Variants in ARB2A observed in about 807,000 individuals in gnomAD.
The protein encoded by ARB2A is cotranscriptional regulator ARB2A.
chr5:93,707,493 A>G, the ARB2A span, among the ~76,000 whole-genome samples: 1 of 151,938 alleles, frequency 6.6e-6, no homozygotes, highest in Non-Finnish European at 1.5e-5. Context: ...TATTCTTTTA[A>G]AATAAGTATA....
chr5:93,731,468 A>G, the ARB2A span, among the ~76,000 whole-genome samples: 1 of 152,148 alleles, frequency 6.6e-6, no homozygotes, highest in Non-Finnish European at 1.5e-5. Flanking sequence ...AGCCTCCAGA[A>G]CTGCATGAAA....
At chr5:94,005,051 C>A in the ARB2A span, among the ~76,000 whole-genome samples, 21 of 118,262 alleles carry the variant, frequency 1.8e-4, no homozygotes, top group Admixed American at 6.0e-4. Flanking sequence ...AAATGCAAAA[C>A]AAAAAAAAAA....
At chr5:94,078,561 G>T in the ARB2A span, among the ~76,000 whole-genome samples, 1 of 152,160 alleles carries the variant, frequency 6.6e-6, no homozygotes, top group Non-Finnish European at 1.5e-5. Flanking sequence ...GAGCAGACAC[G>T]AGACAAAGCC....
the ARB2A span, chr5:93,782,058 C>T: frequency 6.7e-6 from 2 of 297,710 alleles, no homozygotes; most frequent in African/African-American, 4.5e-5. Flanking sequence ...ATCTTCTCTA[C>T]AAGAGGTCAC....
chr5:93,690,847 A>C, the ARB2A span, among the ~76,000 whole-genome samples: 9 of 152,284 alleles, frequency 5.9e-5, no homozygotes, highest in African/African-American at 1.9e-4. Flanking sequence ...AGGAAGGAAC[A>C]GACAGCAATC....
chr5:93,832,595 C>A, the ARB2A span, among the ~76,000 whole-genome samples: 2 of 152,122 alleles, frequency 1.3e-5, no homozygotes, highest in South Asian at 2.1e-4. Context: ...CTAGAAATTG[C>A]CCTTAGCCAA....
the ARB2A span, among the ~76,000 whole-genome samples, chr5:93,653,137 T>C: frequency 2.0e-5 from 3 of 152,098 alleles, no homozygotes; most frequent in East Asian, 1.9e-4. Context: ...GTGCCTGACA[T>C]GATCCTGTTT....
the ARB2A span, chr5:93,620,725 C>A: frequency 8.2e-5 from 29 of 353,304 alleles, no homozygotes; most frequent in East Asian, 1.3e-3. Context: ...AGGCAGGGCG[C>A]TGTCAGCCTT....
chr5:93,622,395 A>G, the ARB2A span, among the ~76,000 whole-genome samples: 1 of 152,352 alleles, frequency 6.6e-6, no homozygotes, highest in Middle Eastern at 3.4e-3. Flanking sequence ...CAATGGTGCA[A>G]CACTTTGCTT....
chr5:93,726,956 G>C, the ARB2A span, among the ~76,000 whole-genome samples: 1 of 151,984 alleles, frequency 6.6e-6, no homozygotes, highest in Admixed American at 6.6e-5. Context: ...ACTAAAAGTG[G>C]TAGGCAATCC....
the ARB2A span, among the ~76,000 whole-genome samples, chr5:94,021,038 T>TA: frequency 6.6e-6 from 1 of 152,062 alleles, no homozygotes; most frequent in Non-Finnish European, 1.5e-5. Flanking sequence ...ACTTACAGTG[T>TA]AATAAATAAA....
chr5:93,887,867 T>C, the ARB2A span, among the ~76,000 whole-genome samples: 2 of 151,900 alleles, frequency 1.3e-5, no homozygotes, highest in Non-Finnish European at 1.5e-5. Flanking sequence ...AACACATGCA[T>C]CAATGTCAGC....
the ARB2A span, among the ~76,000 whole-genome samples, chr5:93,822,094 C>T: frequency 6.6e-6 from 1 of 152,094 alleles, no homozygotes; most frequent in African/African-American, 2.4e-5. Context: ...CAGAAGCTGA[C>T]CCTTACTGAG....
the ARB2A span, among the ~76,000 whole-genome samples, chr5:93,688,246 T>C: frequency 1.3e-4 from 20 of 152,316 alleles, no homozygotes; most frequent in Admixed American, 2.6e-4. Context: ...AGTGCTGGGA[T>C]TACAGGCGTA....
At chr5:93,855,994 G>C in the ARB2A span, among the ~76,000 whole-genome samples, 1 of 151,946 alleles carries the variant, frequency 6.6e-6, no homozygotes, top group Non-Finnish European at 1.5e-5. Context: ...AGAGAAGAAG[G>C]CTTCAGATGA....
the ARB2A span, among the ~76,000 whole-genome samples, chr5:93,774,961 T>C: frequency 6.6e-6 from 1 of 152,198 alleles, no homozygotes; most frequent in South Asian, 2.1e-4. Context: ...TCACATTATA[T>C]AACTAGCATA....
At chr5:93,804,108 A>G in the ARB2A span, among the ~76,000 whole-genome samples, 2 of 152,038 alleles carry the variant, frequency 1.3e-5, no homozygotes, top group Admixed American at 1.3e-4. Flanking sequence ...CAGACACCAT[A>G]CAAAGATAAA....
the ARB2A span, among the ~76,000 whole-genome samples, chr5:94,060,827 T>C: frequency 1.3e-5 from 2 of 152,200 alleles, no homozygotes; most frequent in African/African-American, 4.8e-5. Context: ...ACAGGGCTTA[T>C]GACAGAACGG....
the ARB2A span, among the ~76,000 whole-genome samples, chr5:93,872,979 T>C: frequency 6.6e-6 from 1 of 151,994 alleles, no homozygotes; most frequent in Admixed American, 6.6e-5. Context: ...ATGTACTAAT[T>C]TTCCAGTGTC....
Sources: gnomAD v4.1 joint callset for allele counts (sites outside exome capture counted in the v4.1 genomes callset) on GRCh38, gnomAD v4.1.1 for gene constraint, MANE v1.5 for transcripts, NCBI Gene and HGNC (gene_info 2026-07-23, HGNC 2026-07-21) for gene names.